Variants in OPA3 observed in about 807,000 individuals in gnomAD.
OPA3 encodes optic atrophy 3 protein.
In OPA3, 6 loss-of-function variants were observed where a neutral mutation model predicts 4.0. That is an observed-to-expected ratio of 1.51 (90% confidence interval 0.83 to 2.99). The LOEUF (loss-of-function observed/expected upper bound fraction) is 2.99, where lower values mean the gene tolerates loss of function less well. Among genes scored for constraint, OPA3 ranks in the 30% most tolerant of loss-of-function variants. The pLI is 0.00. For synonymous variants in OPA3, 105 were observed against 117.1 expected, an observed-to-expected ratio of 0.90 and a Z score of 0.67; for missense variants, 235 against 256.2, an observed-to-expected ratio of 0.92 and a Z score of 0.56.
At chr19:45,539,179 G>A (rs1245234582) in intron 1 of OPA3, among the ~76,000 whole-genome samples, 2 of 152,204 alleles carry the variant, frequency 1.3e-5, no homozygotes, top group Non-Finnish European at 2.9e-5. Context: ...AACTCGAGAT[G>A]AGATTTGGGT....
At chr19:45,577,777 G>C (rs563627591) in intron 1 of OPA3, among the ~76,000 whole-genome samples, 1 of 149,948 alleles carries the variant, frequency 6.7e-6, no homozygotes, top group African/African-American at 2.5e-5. Context: ...AGTCTGTGGT[G>C]TTCCCGCCAA....
At chr19:45,571,489 T>C (rs1363233885) in intron 1 of OPA3, among the ~76,000 whole-genome samples, 1 of 152,138 alleles carries the variant, frequency 6.6e-6, no homozygotes, top group Non-Finnish European at 1.5e-5. Flanking sequence ...CGTGCATACA[T>C]ATATGCTAGG....
chr19:45,532,897 T>A (rs1057105315), intron 1 of OPA3, among the ~76,000 whole-genome samples: 15 of 152,182 alleles, frequency 9.9e-5, no homozygotes, highest in South Asian at 4.2e-4. Context: ...TTTTATTTTT[T>A]AAATTTTTTT....
intron 1 of OPA3, among the ~76,000 whole-genome samples, chr19:45,557,957 A>C (rs1285744894): frequency 6.6e-6 from 1 of 152,198 alleles, no homozygotes; most frequent in Non-Finnish European, 1.5e-5. Flanking sequence ...TCCCGCCTCC[A>C]GCCTCCTTCC....
At chr19:45,565,834 C>G (rs1267930536) in intron 1 of OPA3, among the ~76,000 whole-genome samples, 2 of 151,962 alleles carry the variant, frequency 1.3e-5, no homozygotes, top group Non-Finnish European at 2.9e-5. Flanking sequence ...GCCTGTGGCC[C>G]CAGCTACTCA....
intron 1 of OPA3, among the ~76,000 whole-genome samples, chr19:45,577,747 T>A (rs1040432028): frequency 1.3e-5 from 2 of 152,194 alleles, no homozygotes; most frequent in Non-Finnish European, 2.9e-5. Flanking sequence ...CCTGAAGGGA[T>A]GTCCTTAGGA....
intron 1 of OPA3, among the ~76,000 whole-genome samples, chr19:45,583,857 C>G (rs1969891797): frequency 1.3e-5 from 2 of 152,198 alleles, no homozygotes; most frequent in South Asian, 4.1e-4. Flanking sequence ...GCCCTGCTGG[C>G]CTCAGGTCCC....
intron 1 of OPA3, among the ~76,000 whole-genome samples, chr19:45,566,636 A>G (rs1025089642): frequency 2.8e-5 from 4 of 145,166 alleles, no homozygotes; most frequent in African/African-American, 1.0e-4. Context: ...ATGCCCAGCT[A>G]ATTTTTTTTT....
In OPA3 at chr19:45,548,190, C is replaced by T; in HGVS notation, c.*5324G>A. 4 of 986,142 alleles carry T rather than the reference C, an allele frequency of 4.1e-6. No homozygotes were observed. The highest frequency in any genetic ancestry group is 4.8e-6 in the Non-Finnish European group (4 of 830,436). The allele number at this position is 986,142 out of a possible 1,614,324, so 61.1% of individuals were successfully genotyped here. On this transcript the variant is annotated 3_prime_UTR_variant, in exon 2 of 2. Transcript: ENST00000263275. ...GCTACAAGCCATTGCCACTGGGGGACCCAAGCCTGCCACTCAGCAACACAG... is the reference window on the plus strand; with the variant it reads ...GCTACAAGCCATTGCCACTGGGGGATCCAAGCCTGCCACTCAGCAACACAG...
Position 45,551,015 on chromosome 19 carries a change from T to C in OPA3, c.*2499A>G, listed in dbSNP as rs1302779924. ...TCACTCTGTCATCCAGGCTGGAGTG[T>C]AGTGGCGCGATCACGGCTCGCTGCA... is the stretch of plus-strand genomic sequence containing the variant. On this transcript the variant is annotated 3_prime_UTR_variant, in exon 2 of 2. Coordinates refer to ENST00000263275, the MANE Select transcript of OPA3 (RefSeq NM_025136.4). 9 of 940,314 alleles carry C rather than the reference T, an allele frequency of 9.6e-6. No individual in the cohort carries two copies. Among genetic ancestry groups the C allele is most frequent in the Non-Finnish European group, 1.1e-5 (9 of 789,134 alleles). 58.2% of individuals were successfully genotyped at this position (940,314 alleles called of 1,614,324 possible). A position where few individuals can be genotyped will look rare whatever the true frequency, so the allele number is the denominator to read the frequency against.
rs1161179360 is a variant in OPA3, at chr19:45,553,354, G to A, written c.*160C>T. The A allele has an allele frequency of 2.0e-6, 3 of 1,512,484 alleles. No individual in the cohort carries two copies. Among genetic ancestry groups the A allele is most frequent in the Admixed American group, 4.1e-5 (2 of 48,510 alleles). 93.7% of individuals were successfully genotyped at this position (1,512,484 alleles called of 1,614,324 possible). ...AACGCTTCACCTGCTGGTCCCAGTG[G>A]CAGGTAACGGCTGCTCTTATCAGCA... On this transcript the variant is annotated 3_prime_UTR_variant, in exon 2 of 2. Coordinates refer to ENST00000263275, the MANE Select transcript of OPA3 (RefSeq NM_025136.4).
downstream of OPA3, among the ~76,000 whole-genome samples, chr19:45,544,555 G>A (rs1156785187): frequency 1.3e-5 from 2 of 152,146 alleles, no homozygotes; most frequent in Non-Finnish European, 2.9e-5. Context: ...AGCACTTTGG[G>A]AGGCCGAGGC....
chr19:45,579,901 T>C (rs1213806556), intron 1 of OPA3, among the ~76,000 whole-genome samples: 1 of 151,852 alleles, frequency 6.6e-6, no homozygotes, highest in Non-Finnish European at 1.5e-5. Context: ...AAATTGAAGC[T>C]AAGAGGGGCT....
At chr19:45,570,987 G>A (rs528271388) in intron 1 of OPA3, among the ~76,000 whole-genome samples, 1 of 129,600 alleles carries the variant, frequency 7.7e-6, no homozygotes, top group South Asian at 2.8e-4. Context: ...TTGGGGGGGG[G>A]GGGCATGAAT....
intron 1 of OPA3, among the ~76,000 whole-genome samples, chr19:45,566,416 G>A (rs2122477752): frequency 6.6e-6 from 1 of 150,774 alleles, no homozygotes; most frequent in South Asian, 2.1e-4. Context: ...GTCCCAATGA[G>A]CTGGGATTAC....
At chr19:45,572,945 T>C (rs141794820) in intron 1 of OPA3, among the ~76,000 whole-genome samples, 2 of 151,146 alleles carry the variant, frequency 1.3e-5, no homozygotes, top group South Asian at 4.2e-4. Context: ...AGAGTTTATG[T>C]TTGCCCTTGC....
downstream of OPA3, among the ~76,000 whole-genome samples, chr19:45,545,941 T>C (rs1969244007): frequency 6.6e-6 from 1 of 152,066 alleles, no homozygotes; most frequent in Non-Finnish European, 1.5e-5. Flanking sequence ...CTTGAACTCC[T>C]GAGATTAAGC....
chr19:45,581,772 G>A (rs903129713), intron 1 of OPA3, among the ~76,000 whole-genome samples: 4 of 152,174 alleles, frequency 2.6e-5, no homozygotes, highest in Non-Finnish European at 4.4e-5. Context: ...AGTAATTCAC[G>A]CAGAGTTGGC....
intron 1 of OPA3, among the ~76,000 whole-genome samples, chr19:45,557,269 C>T (rs1211348622): frequency 1.3e-5 from 2 of 152,020 alleles, no homozygotes; most frequent in African/African-American, 2.4e-5. Context: ...TGTGTGTGTG[C>T]ACGCGTGTGT....
Sources: gnomAD v4.1 joint callset for allele counts (sites outside exome capture counted in the v4.1 genomes callset) on GRCh38, gnomAD v4.1.1 for gene constraint, MANE v1.5 for transcripts, NCBI Gene and HGNC (gene_info 2026-07-23, HGNC 2026-07-21) for gene names.